JAKMIP2: variants seen among roughly 807,000 people sequenced by gnomAD.
The protein encoded by JAKMIP2 is janus kinase and microtubule interacting protein 2.
JAKMIP2 carries 25 observed loss-of-function variants against 115.0 expected under a neutral mutation model. The ratio of observed to expected loss-of-function variants is 0.22; its 90% CI spans 0.16 to 0.30. The LOEUF is 0.30. Ranked by LOEUF, JAKMIP2 falls within the 10% of genes least tolerant of loss-of-function variation. The probability of loss-of-function intolerance (pLI) is 1.00; values close to 1 mark genes in which losing one functional copy is unlikely to be tolerated. For synonymous variants in JAKMIP2, 334 were observed against 343.6 expected, an observed-to-expected ratio of 0.97 and a Z score of 0.31; for missense variants, 642 against 957.6, an observed-to-expected ratio of 0.67 and a Z score of 4.35.
chr5:147,621,161 G>T (rs536876450), intron 17 of JAKMIP2, among the ~76,000 whole-genome samples: 1 of 152,292 alleles, frequency 6.6e-6, no homozygotes, highest in African/African-American at 2.4e-5. Flanking sequence ...TGTACAACTA[G>T]CAAACATAAG....
chr5:147,655,531 G>A (rs1758633638), intron 3 of JAKMIP2, among the ~76,000 whole-genome samples: 1 of 152,046 alleles, frequency 6.6e-6, no homozygotes, highest in Non-Finnish European at 1.5e-5. Flanking sequence ...GTACTGCTAT[G>A]GAGTTAGTGG....
chr5:147,598,191 C>T (rs557886641), intron 21 of JAKMIP2, among the ~76,000 whole-genome samples: 44 of 151,886 alleles, frequency 2.9e-4, no homozygotes, highest in East Asian at 2.5e-3. Context: ...ATTAGAGACG[C>T]GGTTTCACCA....
intron 20 of JAKMIP2, among the ~76,000 whole-genome samples, chr5:147,605,397 G>C (rs958554033): frequency 6.6e-6 from 1 of 151,852 alleles, no homozygotes; most frequent in Non-Finnish European, 1.5e-5. Context: ...TTTTAGTAGA[G>C]ACAGGGTTTC....
At chr5:147,628,182 A>C (rs1757192195) in intron 16 of JAKMIP2, among the ~76,000 whole-genome samples, 1 of 152,130 alleles carries the variant, frequency 6.6e-6, no homozygotes, top group South Asian at 2.1e-4. Flanking sequence ...CCATCCAGCC[A>C]GGCTTTATGC....
At chr5:147,687,456 G>A (rs1760626009) in intron 1 of JAKMIP2, among the ~76,000 whole-genome samples, 1 of 152,210 alleles carries the variant, frequency 6.6e-6, no homozygotes, top group Non-Finnish European at 1.5e-5. Context: ...GACAGAGAGT[G>A]TGTCTAACAG....
intron 1 of JAKMIP2, among the ~76,000 whole-genome samples, chr5:147,725,159 G>C (rs1023124866): frequency 2.0e-5 from 3 of 152,046 alleles, no homozygotes; most frequent in Non-Finnish European, 4.4e-5. Flanking sequence ...TGCCATGATA[G>C]TTCACAAATG....
At chr5:147,596,663 C>T (rs1755402895) in intron 21 of JAKMIP2, among the ~76,000 whole-genome samples, 1 of 152,066 alleles carries the variant, frequency 6.6e-6, no homozygotes, top group African/African-American at 2.4e-5. Flanking sequence ...GTTATAGACA[C>T]TAAAGATACA....
intron 13 of JAKMIP2, among the ~76,000 whole-genome samples, chr5:147,632,332 T>G (rs557723715): frequency 1.0e-3 from 156 of 152,302 alleles, no homozygotes; most frequent in African/African-American, 3.3e-3. Flanking sequence ...TAATTAAGGA[T>G]GGACATGAGT....
At chr5:147,615,386 A>G (rs905123508) in intron 19 of JAKMIP2, among the ~76,000 whole-genome samples, 3 of 152,184 alleles carry the variant, frequency 2.0e-5, no homozygotes, top group Non-Finnish European at 2.9e-5. Flanking sequence ...ACAAGGGCTT[A>G]GAGGTGGAAA....
At position 147,774,416 on chromosome 5, in the gene JAKMIP2, G is replaced by A. The variant is rs146202364; in HGVS notation, c.-149+8040C>T. ...TAGCAGCTTGTGAATTCTCAGCATG[G>A]ATTTTTTAATATAAATTCTCCAAAT... On this transcript the variant is annotated intron_variant, in intron 1 of 21. Coordinates refer to ENST00000616793, the MANE Select transcript of JAKMIP2 (RefSeq NM_001270941.2). Among the ~76,000 whole-genome samples the A allele has an allele frequency of 4.4e-3, 664 of 152,158 alleles. 2 individuals are homozygous for A. Among genetic ancestry groups the A allele is most frequent in the African/African-American group, 0.015 (638 of 41,506 alleles).
intron 16 of JAKMIP2, among the ~76,000 whole-genome samples, chr5:147,627,933 T>G (rs2126676174): frequency 6.6e-6 from 1 of 152,276 alleles, no homozygotes; most frequent in African/African-American, 2.4e-5. Flanking sequence ...TTCCCTCATT[T>G]CAGATTGGAG....
intron 21 of JAKMIP2, chr5:147,594,310 T>C (rs111239113): frequency 2.2e-5 from 7 of 318,170 alleles, no homozygotes; most frequent in African/African-American, 1.5e-4. Flanking sequence ...ACTATCATTT[T>C]TGAGACTTTA....
chr5:147,776,628 G>A (rs1055590367), intron 1 of JAKMIP2, among the ~76,000 whole-genome samples: 1 of 152,150 alleles, frequency 6.6e-6, no homozygotes, highest in Non-Finnish European at 1.5e-5. Flanking sequence ...GCTTAACCAA[G>A]GTTAAAACTA....
At chr5:147,592,883 T>TGCAGA (rs1455816472) in intron 21 of JAKMIP2, among the ~76,000 whole-genome samples, 1 of 152,180 alleles carries the variant, frequency 6.6e-6, no homozygotes, top group Non-Finnish European at 1.5e-5. Flanking sequence ...AAGGCATATT[T>TGCAGA]GCAGAGCCAT....
chr5:147,673,074 G>A (rs1488737383), intron 1 of JAKMIP2, among the ~76,000 whole-genome samples: 1 of 152,108 alleles, frequency 6.6e-6, no homozygotes, highest in African/African-American at 2.4e-5. Context: ...AGAATGGAGA[G>A]AGAATGAATG....
chr5:147,682,123 G>A (rs1760317329), intron 1 of JAKMIP2, among the ~76,000 whole-genome samples: 2 of 151,940 alleles, frequency 1.3e-5, no homozygotes, highest in Non-Finnish European at 1.5e-5. Flanking sequence ...AGTAAGCAAA[G>A]GGTTATGGTG....
intron 1 of JAKMIP2, among the ~76,000 whole-genome samples, chr5:147,724,601 T>C (rs1753443561): frequency 6.6e-6 from 1 of 152,190 alleles, no homozygotes; most frequent in African/African-American, 2.4e-5. Flanking sequence ...AGTGACTCAC[T>C]AAATCCCTTG....
chr5:147,650,266 G>C, intron 4 of JAKMIP2, 72 bp downstream of exon 4: 6 of 952,000 alleles, frequency 6.3e-6, no homozygotes, highest in Non-Finnish European at 1.0e-5. Context: ...AAGAGCTTAA[G>C]TAAAAGGTAA....
At chr5:147,723,198 C>T (rs1433255235) in intron 1 of JAKMIP2, among the ~76,000 whole-genome samples, 4 of 151,978 alleles carry the variant, frequency 2.6e-5, no homozygotes, top group East Asian at 1.9e-4. Context: ...ATATATCCTA[C>T]GTTATCAGAT....
Sources: allele counts gnomAD v4.1 joint callset (sites outside exome capture counted in the v4.1 genomes callset), GRCh38; gene constraint gnomAD v4.1.1; transcripts MANE v1.5; gene names NCBI Gene and HGNC (gene_info 2026-07-23, HGNC 2026-07-21).